The following RHBDD3 variants were observed in gnomAD, a reference collection of about 807,000 sequenced individuals.
The protein encoded by RHBDD3 is rhomboid domain-containing protein 3.
In RHBDD3, 34 loss-of-function variants were observed where a neutral mutation model predicts 32.3. The ratio of observed to expected loss-of-function variants is 1.05; its 90% CI spans 0.80 to 1.40. The LOEUF is 1.40. RHBDD3 is among the 40% of genes most tolerant of loss of function. The pLI is 0.00. For synonymous variants in RHBDD3, 249 were observed against 239.1 expected, an observed-to-expected ratio of 1.04 and a Z score of -0.38; for missense variants, 482 against 492.6, an observed-to-expected ratio of 0.98 and a Z score of 0.20.
At chr22:29,264,496 T>TC in intron 3 of RHBDD3, 2 of 1,237,160 alleles carry the variant, frequency 1.6e-6, no homozygotes, top group Non-Finnish European at 1.0e-6. Flanking sequence ...ACTCACTATG[T>TC]CCCAGACACC....
intron 2 of RHBDD3, among the ~76,000 whole-genome samples, chr22:29,266,174 C>G (rs2058174291): frequency 6.6e-6 from 1 of 152,196 alleles, no homozygotes; most frequent in African/African-American, 2.4e-5. Context: ...ACTCAGAGAC[C>G]TGCGACTGAG....
intron 4 of RHBDD3, among the ~76,000 whole-genome samples, chr22:29,263,166 T>G (rs2058138792): frequency 6.6e-6 from 1 of 152,254 alleles, no homozygotes; most frequent in South Asian, 2.1e-4. Flanking sequence ...TGCCTCAGTC[T>G]CCTAAGTAGC....
intron 3 of RHBDD3, 90 bp from the exon 4 acceptor site, chr22:29,264,308 C>T (rs2058153665): frequency 2.1e-6 from 3 of 1,438,060 alleles, no homozygotes; most frequent in African/African-American, 1.4e-5. Context: ...TACGCTACAC[C>T]AGGGCCACCT....
At chr22:29,268,015 A>C, upstream of RHBDD3, 1 of 453,292 alleles carries the variant, frequency 2.2e-6, no homozygotes, top group Non-Finnish European at 4.1e-6. Flanking sequence ...CCCTAGAGCC[A>C]GCGGACGGAA....
Position 29,264,147 on chromosome 22 carries a change from G to A in RHBDD3, c.220C>T (p.Pro74Ser). The change falls in exon 4 of 7, where the codon CCC (proline) becomes TCC (serine). Residue 74 changes from proline to serine, a missense_variant. Physicochemically the swap from Pro to Ser is moderately conservative, Grantham distance 74. Transcript: ENST00000216085. ...CACTCCTGCTGCCAGCCCACAGTGG[G>A]CAGGAGCAGCAGGCTCAGGAGCAGG... ...PGLLLSLLLL[P>S]TVGWQQECHL... 2 of 1,584,614 alleles carry A rather than the reference G, an allele frequency of 1.3e-6. No individual in the cohort carries two copies.
chr22:29,260,785 G>T lies in RHBDD3; in HGVS notation c.612C>A (p.Thr204=). 6.2e-7 allele frequency: 1 copy of T among 1,604,848 alleles called. No individual in the cohort carries two copies. The highest frequency in any genetic ancestry group is 8.5e-7 in the Non-Finnish European group (1 of 1,177,152). The change falls in exon 5 of 7, where the codon ACC becomes ACA. Residue 204 remains threonine (T), a synonymous_variant. Coordinates refer to ENST00000216085, the MANE Select transcript of RHBDD3 (RefSeq NM_012265.3). ...QVLQEGVLCR[T]LAGCWPLRLL... ...GCCTCAGGGGCCAGCACCCCGCCAA[G>T]GTCCTGCACAAGACGCCCTCCTGCA... is the stretch of plus-strand genomic sequence containing the variant.
chr22:29,263,786 C>G, intron 4 of RHBDD3, 49 bp downstream of exon 4: 1 of 1,465,684 alleles, frequency 6.8e-7, no homozygotes, highest in Non-Finnish European at 9.1e-7. Flanking sequence ...AGGCACCCAC[C>G]CACAGAACCC....
intron 2 of RHBDD3, among the ~76,000 whole-genome samples, chr22:29,267,082 A>G (rs1301475710): frequency 6.6e-6 from 1 of 152,100 alleles, no homozygotes; most frequent in Non-Finnish European, 1.5e-5. Context: ...CCAGTGCTTT[A>G]TATATGTTCA....
chr22:29,262,423 G>A (rs929472527), intron 4 of RHBDD3, among the ~76,000 whole-genome samples: 2 of 152,170 alleles, frequency 1.3e-5, no homozygotes, highest in African/African-American at 4.8e-5. Flanking sequence ...ACAGGTGTGA[G>A]CCACCGCACC....
At chr22:29,263,375 C>T (rs1362548729) in intron 4 of RHBDD3, among the ~76,000 whole-genome samples, 1 of 151,994 alleles carries the variant, frequency 6.6e-6, no homozygotes, top group East Asian at 1.9e-4. Flanking sequence ...GATGGGGTTT[C>T]ACCATGTTGG....
In RHBDD3 at chr22:29,265,594, G is replaced by A. The variant is rs769281388; in HGVS notation, c.33C>T (p.Ser11=). The A allele has an allele frequency of 3.2e-5, 51 of 1,592,050 alleles. No individual in the cohort carries two copies. The highest frequency in any genetic ancestry group is 4.4e-5 in the Non-Finnish European group (51 of 1,171,906). MHARGPHGQL[S]PALPLASSVL... ...CTGAGGAGGCCAGAGGCAGTGCTGG[G>A]GACAGTTGGCCATGGGGGCCCCTGG... The change falls in exon 3 of 7, where the codon TCC becomes TCT. Residue 11 remains serine, a synonymous_variant. Coordinates refer to ENST00000216085, the MANE Select transcript of RHBDD3 (RefSeq NM_012265.3).
At position 29,260,318 on chromosome 22, in the gene RHBDD3, C is replaced by G; in HGVS notation, c.983+8G>C. 6.2e-7 allele frequency: 1 copy of G among 1,606,402 alleles called. No homozygotes were observed. Among genetic ancestry groups the G allele is most frequent in the Non-Finnish European group, 8.5e-7 (1 of 1,175,838 alleles). ...CAGGGGACCCCACCTCTGCCCACCC[C>G]ACCTTACCGCAGAGAGGAGACAGAG... On this transcript the variant is annotated splice_region_variant and intron_variant, in intron 6 of 6. Transcript: ENST00000216085.
intron 1 of RHBDD3, 23 bp downstream of exon 1, chr22:29,267,725 G>A (rs767293313): frequency 6.0e-6 from 1 of 166,322 alleles, no homozygotes; most frequent in African/African-American, 2.4e-5. Flanking sequence ...CGCTGGCCCG[G>A]GCCACGCGTC....
At chr22:29,262,880 T>G (rs144672350) in intron 4 of RHBDD3, among the ~76,000 whole-genome samples, 1,521 of 151,802 alleles carry the variant, frequency 0.01, 27 homozygotes, top group African/African-American at 0.035. Context: ...CTAATTTTTG[T>G]TTTTTGGGGT....
At position 29,260,746 on chromosome 22, in the gene RHBDD3, CGGGGT is replaced by C. The variant is rs1196107086; in HGVS notation, c.646_650del (p.Thr216GlyfsTer2). 12 of 1,599,082 alleles carry C rather than the reference CGGGGT, an allele frequency of 7.5e-6. No homozygotes were observed. Among genetic ancestry groups the C allele is most frequent in the Non-Finnish European group, 1.0e-5 (12 of 1,173,788 alleles). ...TGACAGGCAGCTCCGCCAGGCTACC[CGGGGT>C]GGCAAGGAGCCTCAGGGGCCAGCAC... On this transcript the variant is annotated frameshift_variant, in exon 5 of 7. Transcript: ENST00000216085. LOFTEE classifies it high-confidence loss of function.
rs145831060 is a variant in RHBDD3, at chr22:29,263,955, G to A, written c.412C>T (p.Arg138Trp). 43 of 1,550,452 alleles carry A rather than the reference G, an allele frequency of 2.8e-5. No homozygotes were observed. Among genetic ancestry groups the A allele is most frequent in the Middle Eastern group, 1.7e-4 (1 of 5,958 alleles). The change falls in exon 4 of 7, where the codon CGG becomes TGG. Residue 138 changes from arginine (R) to tryptophan (W), a missense_variant. Arg to Trp is a moderately radical substitution (Grantham distance 101). Coordinates refer to ENST00000216085, the MANE Select transcript of RHBDD3 (RefSeq NM_012265.3). ...CACGGTGGCAGTGCCCCACGGGGCCGTCTAGGGCGGTGTCCCTCCCCAGCC... is the reference window on the plus strand; with the variant it reads ...CACGGTGGCAGTGCCCCACGGGGCCATCTAGGGCGGTGTCCCTCCCCAGCC... Reference protein sequence around the residue: ...MLAGEGHRPRRPRGALPPWLS... With the variant: ...MLAGEGHRPRWPRGALPPWLS...
In RHBDD3 at chr22:29,260,169, C is replaced by A. The variant is rs370993074; in HGVS notation, c.1052G>T (p.Arg351Leu). 1.1e-4 allele frequency: 167 copies of A among 1,589,330 alleles called. No homozygotes were observed. In the East Asian group the frequency reaches 1.3e-3, roughly 13 times the overall value. ...CAACAGTGACACGGCACCCTCCACA[C>A]GGCCTGTGGCTGCCAGTGCCACCAC... Reference protein sequence around the residue: ...QAVVALAATGRVEGAVSLLVG... With the variant: ...QAVVALAATGLVEGAVSLLVG... Residue 351 changes from arginine (R) to leucine (L), a missense_variant, in exon 7 of 7, where the codon CGT becomes CTT. Transcript: ENST00000216085.
chr22:29,264,386 G>C (rs895876715), intron 3 of RHBDD3, 168 bp from the exon 4 acceptor site: 2 of 1,425,788 alleles, frequency 1.4e-6, no homozygotes, highest in Admixed American at 3.0e-5. Flanking sequence ...TGGTGGAAGG[G>C]ACCAAGGACT....
chr22:29,263,738 T>C, intron 4 of RHBDD3, 97 bp downstream of exon 4: 5 of 1,440,728 alleles, frequency 3.5e-6, no homozygotes, highest in Non-Finnish European at 4.6e-6. Context: ...CTCCTTGGTA[T>C]TGCTTGGGCC....
Sources: allele counts gnomAD v4.1 joint callset (sites outside exome capture counted in the v4.1 genomes callset), GRCh38; gene constraint gnomAD v4.1.1; transcripts MANE v1.5; gene names NCBI Gene and HGNC (gene_info 2026-07-23, HGNC 2026-07-21).